NLRP11: variants seen among roughly 807,000 people sequenced by gnomAD.
The protein encoded by NLRP11 is NLR family pyrin domain containing 11, also known as NACHT, LRR and PYD domains-containing protein 11.
NLRP11 carries 53 observed loss-of-function variants against 79.3 expected under a neutral mutation model. That is an observed-to-expected ratio of 0.67 (90% CI 0.54 to 0.84). The LOEUF (loss-of-function observed/expected upper bound fraction) is 0.84. Among genes scored for constraint, NLRP11 ranks in the 40% least tolerant of loss-of-function variants. NLRP11 has a pLI of 0.00. For missense variants in NLRP11, 1,264 were observed against 1,255.0 expected, an observed-to-expected ratio of 1.01 and a Z score of -0.11; for synonymous variants, 518 against 462.6, an observed-to-expected ratio of 1.12 and a Z score of -1.54.
At chr19:55,832,804 C>G (rs979465236), upstream of NLRP11, 1 of 152,052 alleles carries the variant, frequency 6.6e-6, no homozygotes, top group Non-Finnish European at 1.5e-5. Context: ...TCATAATGGA[C>G]GGGAAAGTGA....
At chr19:55,804,830 C>T (rs1239391312) in intron 4 of NLRP11, among the ~76,000 whole-genome samples, 6 of 152,006 alleles carry the variant, frequency 3.9e-5, no homozygotes, top group East Asian at 1.9e-4. Flanking sequence ...TTTGGGAGGC[C>T]GAGACAGGTG....
intron 5 of NLRP11, among the ~76,000 whole-genome samples, chr19:55,799,105 A>C (rs1173178257): frequency 6.6e-6 from 1 of 152,148 alleles, no homozygotes; most frequent in African/African-American, 2.4e-5. Context: ...TGTCTCTACC[A>C]AAAATATAAA....
chr19:55,809,116 A>G lies in NLRP11; in HGVS notation c.1494T>C (p.Leu498=), dbSNP rs772562404. 4.3e-6 allele frequency: 7 copies of G among 1,613,920 alleles called. No homozygotes were observed. Among genetic ancestry groups the G allele is most frequent in the Non-Finnish European group, 4.2e-6 (5 of 1,180,000 alleles). ...GAATCTTTCTCCTGTTTGCATTTAGAAGACCAAAAATGAAAGTAAACACTT... is the reference window on the plus strand; with the variant it reads ...GAATCTTTCTCCTGTTTGCATTTAGGAGACCAAAAATGAAAGTAAACACTT... The change falls in exon 3 of 10, where the codon CTT becomes CTC. Residue 498 remains leucine (L), a synonymous_variant. Transcript: ENST00000589093. The surrounding 1 kb of genome is among the most constrained non-coding windows in gnomAD (Gnocchi z 4.5).
At chr19:55,796,779 C>T (rs908406244) in intron 5 of NLRP11, among the ~76,000 whole-genome samples, 23 of 151,942 alleles carry the variant, frequency 1.5e-4, no homozygotes, top group East Asian at 3.9e-4. Flanking sequence ...CTCTGCCTCC[C>T]GGGTTTTTAA....
In NLRP11 at chr19:55,789,369, GAT is replaced by G; in HGVS notation, c.2542_2543del (p.Ile848LeufsTer11). 1 of 1,613,808 alleles carries G rather than the reference GAT, an allele frequency of 6.2e-7. No homozygotes were observed. Among genetic ancestry groups the G allele is most frequent in the Non-Finnish European group, 8.5e-7 (1 of 1,179,890 alleles). ...CAATAACTATGGCAATATATTGACAGATATCGCTGCTAAAGAAACAGCCAGAC... is the reference window on the plus strand; with the variant it reads ...CAATAACTATGGCAATATATTGACAGATCGCTGCTAAAGAAACAGCCAGAC... On this transcript the variant is annotated frameshift_variant, in exon 8 of 10. Coordinates refer to ENST00000589093, the Ensembl canonical transcript of NLRP11. LOFTEE classifies it high-confidence loss of function.
chr19:55,832,498 G>T (rs1159118316), upstream of NLRP11, among the ~76,000 whole-genome samples: 1 of 152,198 alleles, frequency 6.6e-6, no homozygotes, highest in Non-Finnish European at 1.5e-5. Flanking sequence ...CACCCGGGGG[G>T]CCCGTCTTGG....
rs756170921 is a variant in NLRP11, at chr19:55,785,897, C to T, written c.2856-26G>A. ...CTGAAGGAAAACAGAGAGAGAACGC[C>T]GTTAATGCTACATGTGAGGTCTCAG... On this transcript the variant is annotated intron_variant, in intron 9 of 9. Transcript: ENST00000589093. The T allele has an allele frequency of 1.4e-5, 23 of 1,603,240 alleles. No individual in the cohort carries two copies. In the African/African-American group the frequency reaches 1.5e-4, roughly 10 times the overall value.
rs1219008760 is a variant in NLRP11 at position 55,808,057 on chromosome 19, A to G, written c.1842-43T>C. 6 of 1,357,872 alleles carry G rather than the reference A, an allele frequency of 4.4e-6. No individual in the cohort carries two copies. In the South Asian group the frequency reaches 7.8e-5, roughly 18 times the overall value. 84.1% of individuals were successfully genotyped at this position (1,357,872 alleles called of 1,614,324 possible). ...TGAGTTTTCCAATGGAATCGATTCA[A>G]CTCCAGCAATTTGTAAAACATGTAA... On this transcript the variant is annotated intron_variant, in intron 3 of 9. Coordinates refer to ENST00000589093, the Ensembl canonical transcript of NLRP11.
At chr19:55,817,149 G>A (rs1442111883) in intron 2 of NLRP11, among the ~76,000 whole-genome samples, 1 of 150,698 alleles carries the variant, frequency 6.6e-6, no homozygotes, top group African/African-American at 2.5e-5. Context: ...CCTTACTCCT[G>A]CAAGAATGGC....
chr19:55,802,451 A>C (rs1186090113), intron 4 of NLRP11, among the ~76,000 whole-genome samples: 1 of 152,242 alleles, frequency 6.6e-6, no homozygotes, highest in Non-Finnish European at 1.5e-5. Flanking sequence ...CTAGGAATAC[A>C]GCTAACCAGA....
intron 1 of NLRP11, among the ~76,000 whole-genome samples, chr19:55,830,598 T>TTAA (rs752782865): frequency 1.5e-5 from 2 of 129,224 alleles, no homozygotes; most frequent in African/African-American, 3.0e-5. Flanking sequence ...CTTAGCTTCC[T>TTAA]AAAAAAAAAA....
At chr19:55,795,720 C>T (rs993880582) in intron 6 of NLRP11, among the ~76,000 whole-genome samples, 1 of 152,088 alleles carries the variant, frequency 6.6e-6, no homozygotes. Flanking sequence ...GAACTCCTGA[C>T]CTTGTGATCC....
chr19:55,794,215 C>A (rs902217379), intron 6 of NLRP11, among the ~76,000 whole-genome samples: 1 of 151,716 alleles, frequency 6.6e-6, no homozygotes, highest in African/African-American at 2.4e-5. Flanking sequence ...CGAATGTGTA[C>A]CTTAAGTGGA....
chr19:55,822,852 G>T (rs1161104736), intron 1 of NLRP11, among the ~76,000 whole-genome samples: 1 of 152,208 alleles, frequency 6.6e-6, no homozygotes, highest in Non-Finnish European at 1.5e-5. Flanking sequence ...GCCCGCCATT[G>T]CCCAGGCTTG....
chr19:55,806,191 T>C (rs1979973544), intron 4 of NLRP11, among the ~76,000 whole-genome samples: 1 of 152,260 alleles, frequency 6.6e-6, no homozygotes, highest in East Asian at 1.9e-4. Flanking sequence ...GCAACATTCC[T>C]ATCCTTGGTG....
exon 7 of NLRP11, chr19:55,792,461 A>C: frequency 1.9e-6 from 3 of 1,614,054 alleles, no homozygotes; most frequent in South Asian, 2.2e-5. Context: ...GTGAGACAGC[A>C]GAAGACTAAC....
chr19:55,790,966 G>A (rs1046351554), intron 7 of NLRP11, among the ~76,000 whole-genome samples: 2 of 150,536 alleles, frequency 1.3e-5, no homozygotes, highest in Admixed American at 6.6e-5. Flanking sequence ...TTATACTTAA[G>A]ACAATTCTTG....
At chr19:55,817,699 C>T (rs6509961) in intron 2 of NLRP11, among the ~76,000 whole-genome samples, 2 of 151,494 alleles carry the variant, frequency 1.3e-5, no homozygotes, top group Admixed American at 6.6e-5. Flanking sequence ...GAGGGATAAA[C>T]GACTACACAC....
intron 1 of NLRP11, among the ~76,000 whole-genome samples, chr19:55,822,830 T>G (rs1037944585): frequency 2.6e-5 from 4 of 151,924 alleles, no homozygotes; most frequent in African/African-American, 9.7e-5. Flanking sequence ...GCAGCTAGGC[T>G]GGGGGAGGGG....
Sources: gnomAD v4.1 joint callset for allele counts (sites outside exome capture counted in the v4.1 genomes callset) on GRCh38, gnomAD v4.1.1 for gene constraint, Gnocchi (gnomAD v3.1) non-coding constraint, MANE v1.5 for transcripts, NCBI Gene and HGNC (gene_info 2026-07-23, HGNC 2026-07-21) for gene names.